RSRC1: variants seen among roughly 807,000 people sequenced by gnomAD.
RSRC1 encodes serine/Arginine-related protein 53.
In RSRC1, 39 loss-of-function variants were observed where a neutral mutation model predicts 49.1. The observed-to-expected ratio is 0.79, with a 90% CI of 0.61 to 1.04. The LOEUF is 1.04. RSRC1 is among the 50% of genes least tolerant of loss of function. The pLI is 0.00. For synonymous variants in RSRC1, 143 were observed against 130.8 expected (o/e 1.09, Z -0.63); for missense variants, 388 against 402.4 (o/e 0.96, Z 0.31).
intron 4 of RSRC1, among the ~76,000 whole-genome samples, chr3:158,222,778 T>G (rs1722299541): frequency 6.6e-6 from 1 of 151,662 alleles, no homozygotes; most frequent in Admixed American, 6.6e-5. Flanking sequence ...ATGTCTTTGT[T>G]TTTATCATTT....
intron 5 of RSRC1, among the ~76,000 whole-genome samples, chr3:158,304,708 T>G (rs918814781): frequency 8.5e-5 from 13 of 152,130 alleles, no homozygotes; most frequent in African/African-American, 3.1e-4. Flanking sequence ...CCCAACATTT[T>G]AATATATTTT....
At chr3:158,442,890 G>T (rs548344421) in intron 6 of RSRC1, among the ~76,000 whole-genome samples, 1 of 152,102 alleles carries the variant, frequency 6.6e-6, no homozygotes, top group Non-Finnish European at 1.5e-5. Context: ...GTTAGCAGGC[G>T]TGAAAACAGC....
chr3:158,150,893 ATCT>A (rs1250137235), intron 3 of RSRC1, among the ~76,000 whole-genome samples: 1 of 152,200 alleles, frequency 6.6e-6, no homozygotes, highest in Non-Finnish European at 1.5e-5. Flanking sequence ...TAAGGAATTC[ATCT>A]TCTTTCTCTT....
intron 6 of RSRC1, among the ~76,000 whole-genome samples, chr3:158,408,416 G>C (rs2108317795): frequency 6.6e-6 from 1 of 152,248 alleles, no homozygotes; most frequent in South Asian, 2.1e-4. Context: ...AACAGAAATG[G>C]TAATGCAGAC....
At chr3:158,133,246 C>G (rs2108183260) in intron 3 of RSRC1, among the ~76,000 whole-genome samples, 1 of 152,074 alleles carries the variant, frequency 6.6e-6, no homozygotes, top group South Asian at 2.1e-4. Context: ...TAGAAATGAT[C>G]CAGTTGATTT....
chr3:158,176,676 C>T (rs950130987), intron 3 of RSRC1, among the ~76,000 whole-genome samples: 49 of 152,124 alleles, frequency 3.2e-4, no homozygotes, highest in African/African-American at 1.2e-3. Flanking sequence ...AATCTTAGAC[C>T]TAAAACCATA....
intron 7 of RSRC1, among the ~76,000 whole-genome samples, chr3:158,490,662 C>T (rs1359282653): frequency 6.6e-6 from 1 of 152,108 alleles, no homozygotes; most frequent in East Asian, 1.9e-4. Flanking sequence ...AGACATTACA[C>T]TTCATAATGT....
intron 7 of RSRC1, among the ~76,000 whole-genome samples, chr3:158,501,901 G>T (rs1017830649): frequency 6.6e-6 from 1 of 152,074 alleles, no homozygotes; most frequent in African/African-American, 2.4e-5. Context: ...GCTATTTGCT[G>T]CCTGTGTATT....
chr3:158,350,518 C>G (rs1481624024), intron 5 of RSRC1, among the ~76,000 whole-genome samples: 1 of 152,168 alleles, frequency 6.6e-6, no homozygotes, highest in Non-Finnish European at 1.5e-5. Flanking sequence ...GGTTCAAGAT[C>G]AAAGTGTTAG....
chr3:158,398,391 T>C (rs1436261576), intron 6 of RSRC1, among the ~76,000 whole-genome samples: 1 of 152,060 alleles, frequency 6.6e-6, no homozygotes, highest in East Asian at 1.9e-4. Flanking sequence ...GAGGGCCAGG[T>C]GTCTGCTTCC....
intron 6 of RSRC1, among the ~76,000 whole-genome samples, chr3:158,423,932 G>A (rs371355541): frequency 6.6e-6 from 1 of 151,064 alleles, no homozygotes; most frequent in East Asian, 1.9e-4. Flanking sequence ...TGTATCCTGA[G>A]ACTTTGCTGA....
chr3:158,301,109 A>G (rs549510972), intron 5 of RSRC1, among the ~76,000 whole-genome samples: 9 of 151,938 alleles, frequency 5.9e-5, no homozygotes, highest in Non-Finnish European at 1.0e-4. Flanking sequence ...CTTTCTCTCA[A>G]TGTTGCCAAG....
Position 158,203,056 on chromosome 3 carries a change from A to C in RSRC1, c.321-16A>C. The C allele has an allele frequency of 6.3e-7, 1 of 1,592,316 alleles. No individual in the cohort carries two copies. The highest frequency in any genetic ancestry group is 1.1e-5 in the South Asian group (1 of 88,670). The stretch of plus-strand genomic sequence containing the variant: ...ATTATACACTAAGTTTATTTAACAA[A>C]ATCTGCTTACTGTAGGTCCAGGTCA... On this transcript the variant is annotated splice_polypyrimidine_tract_variant and intron_variant, in intron 3 of 9. Coordinates refer to ENST00000611884, the MANE Select transcript of RSRC1 (RefSeq NM_001271838.2).
At chr3:158,343,578 A>G (rs1007578674) in intron 5 of RSRC1, among the ~76,000 whole-genome samples, 4 of 152,244 alleles carry the variant, frequency 2.6e-5, no homozygotes. Flanking sequence ...GCACCTGATC[A>G]GAGAGCTATA....
intron 3 of RSRC1, among the ~76,000 whole-genome samples, chr3:158,187,183 A>G (rs1440806055): frequency 1.3e-5 from 2 of 151,976 alleles, no homozygotes; most frequent in Non-Finnish European, 2.9e-5. Flanking sequence ...GGAGAAAAAT[A>G]TCCAAAACAC....
intron 7 of RSRC1, among the ~76,000 whole-genome samples, chr3:158,500,115 G>A (rs1453372727): frequency 6.6e-6 from 1 of 152,128 alleles, no homozygotes; most frequent in Non-Finnish European, 1.5e-5. Flanking sequence ...TGCATCTATT[G>A]AGATGATCAT....
At chr3:158,123,769 TA>T in intron 2 of RSRC1, 96 bp from the exon 3 acceptor site, 1 of 1,185,632 alleles carries the variant, frequency 8.4e-7, no homozygotes, top group Non-Finnish European at 1.2e-6. Flanking sequence ...AGTGAGACAG[TA>T]AAAATCAGAT....
chr3:158,425,799 A>T (rs1735393008), intron 6 of RSRC1, among the ~76,000 whole-genome samples: 1 of 151,534 alleles, frequency 6.6e-6, no homozygotes, highest in Non-Finnish European at 1.5e-5. Flanking sequence ...GGATAGTTAA[A>T]TAATTTAGAA....
chr3:158,544,148 C>A, intron 9 of RSRC1, 35 bp from the exon 10 acceptor site: 1 of 1,412,248 alleles, frequency 7.1e-7, no homozygotes, highest in Non-Finnish European at 1.0e-6. Flanking sequence ...TATTGGGAGA[C>A]AGTAACATTT....
Sources: gnomAD v4.1 joint callset for allele counts (sites outside exome capture counted in the v4.1 genomes callset) on GRCh38, gnomAD v4.1.1 for gene constraint, MANE v1.5 for transcripts, NCBI Gene and HGNC (gene_info 2026-07-23, HGNC 2026-07-21) for gene names.